Variants in DMXL1 observed in about 807,000 individuals in gnomAD.
DMXL1 encodes Dmx like 1, also known as dmX-like protein 1.
A neutral mutation model predicts 319.2 loss-of-function variants in DMXL1; 99 were observed. That is an observed-to-expected ratio of 0.31 (90% CI 0.26 to 0.37). The LOEUF (loss-of-function observed/expected upper bound fraction) is 0.37. Ranked by LOEUF, DMXL1 falls within the 10% of genes least tolerant of loss-of-function variation. The pLI, the probability that DMXL1 is intolerant of heterozygous loss-of-function variation, is 1.00. For missense variants in DMXL1, 3,745 were observed against 3,595.6 expected, an observed-to-expected ratio of 1.04 and a Z score of -1.06; for synonymous variants, 1,385 against 1,235.2, an observed-to-expected ratio of 1.12 and a Z score of -2.54.
At chr5:119,114,419 G>A (rs937384564) in intron 5 of DMXL1, 56 bp from the exon 6 acceptor site, 67 of 1,256,426 alleles carry the variant, frequency 5.3e-5, no homozygotes, top group Non-Finnish European at 7.3e-5. Context: ...TGAGAATATT[G>A]AACTTTTTCT....
chr5:119,224,553 A>C (rs1785196324), intron 37 of DMXL1, among the ~76,000 whole-genome samples, 156 bp from the exon 38 acceptor site: 1 of 151,972 alleles, frequency 6.6e-6, no homozygotes, highest in South Asian at 2.1e-4. Flanking sequence ...TGCACTATTA[A>C]ATTTCTGTTA....
intron 13 of DMXL1, among the ~76,000 whole-genome samples, chr5:119,134,682 C>T (rs761045906): frequency 2.6e-5 from 4 of 152,180 alleles, no homozygotes; most frequent in Non-Finnish European, 2.9e-5. Context: ...GAAGTTATAT[C>T]GGCCCCCCTG....
chr5:119,216,728 T>G (rs1783767109), intron 34 of DMXL1, among the ~76,000 whole-genome samples, 173 bp from the exon 35 acceptor site: 1 of 152,142 alleles, frequency 6.6e-6, no homozygotes, highest in Non-Finnish European at 1.5e-5. Context: ...AATTTAAATT[T>G]CCCATGTCAA....
At chr5:119,242,478 AAAT>A (rs766289894) in intron 42 of DMXL1, among the ~76,000 whole-genome samples, 1 of 152,188 alleles carries the variant, frequency 6.6e-6, no homozygotes, top group Non-Finnish European at 1.5e-5. Flanking sequence ...AGATCTAAAT[AAAT>A]GAGTGATACT....
rs762308872 is a variant in DMXL1, at chr5:119,203,305, G to A, written c.7746-14G>A. The A allele has an allele frequency of 1.1e-5, 17 of 1,508,128 alleles. No homozygotes were observed. The highest frequency in any genetic ancestry group is 4.6e-5 in the Admixed American group (2 of 43,692). The allele number at this position is 1,508,128 out of a possible 1,614,324, so 93.4% of individuals were successfully genotyped here. ...TCTGAAGTTTATCATTAAATTTGCT[G>A]TCTCTCTCTGTAGATCCAAACACCA... On this transcript the variant is annotated splice_polypyrimidine_tract_variant and intron_variant, in intron 32 of 43. Coordinates refer to ENST00000539542, the MANE Select transcript of DMXL1 (RefSeq NM_001290321.3).
At chr5:119,184,059 CTT>C (rs1404022848) in intron 28 of DMXL1, among the ~76,000 whole-genome samples, 3 of 140,342 alleles carry the variant, frequency 2.1e-5, no homozygotes, top group Admixed American at 7.0e-5. Flanking sequence ...GTTTTCTTCT[CTT>C]TTTTTTTTTT....
chr5:119,147,205 G>C (rs1407360874), intron 16 of DMXL1, 44 bp from the exon 17 acceptor site: 3 of 1,517,052 alleles, frequency 2.0e-6, no homozygotes, highest in South Asian at 2.3e-5. Context: ...ATATTTATAG[G>C]GTTCCCCTGC....
intron 14 of DMXL1, 116 bp downstream of exon 14, chr5:119,144,046 A>G: frequency 3.2e-6 from 2 of 624,640 alleles, no homozygotes; most frequent in Non-Finnish European, 5.6e-6. Context: ...AGGTAGATTC[A>G]GTAATTAACT....
intron 1 of DMXL1, among the ~76,000 whole-genome samples, chr5:119,082,888 T>C (rs917248242): frequency 6.6e-6 from 1 of 152,232 alleles, no homozygotes; most frequent in Non-Finnish European, 1.5e-5. Context: ...CTTAGCCCTC[T>C]GGTAACCATC....
chr5:119,082,016 T>C (rs1172397347), intron 1 of DMXL1, among the ~76,000 whole-genome samples: 19 of 78,724 alleles, frequency 2.4e-4, no homozygotes, highest in African/African-American at 2.9e-4. Context: ...TATATATATA[T>C]ATATACACAC....
chr5:119,223,744 T>G (rs879919779), intron 37 of DMXL1, among the ~76,000 whole-genome samples: 10 of 152,162 alleles, frequency 6.6e-5, no homozygotes, highest in Admixed American at 1.3e-4. Context: ...AACCTGTGTT[T>G]GTATATTTTT....
intron 30 of DMXL1, among the ~76,000 whole-genome samples, chr5:119,194,240 TGG>T (rs948106080): frequency 1.3e-5 from 2 of 152,214 alleles, no homozygotes; most frequent in African/African-American, 4.8e-5. Flanking sequence ...TGTCCATTAA[TGG>T]ACCATCCGTA....
chr5:119,136,690 T>C (rs1031479439), intron 13 of DMXL1, among the ~76,000 whole-genome samples: 1 of 152,256 alleles, frequency 6.6e-6, no homozygotes, highest in Non-Finnish European at 1.5e-5. Flanking sequence ...GGGGCCGTGG[T>C]ACAGCTGCGG....
intron 34 of DMXL1, among the ~76,000 whole-genome samples, chr5:119,211,661 A>T (rs1285901701): frequency 1.3e-5 from 2 of 151,980 alleles, no homozygotes; most frequent in Admixed American, 6.5e-5. Flanking sequence ...ATTGCTTCCT[A>T]TTTTCTTTCA....
chr5:119,163,797 G>C (rs1412440008), intron 19 of DMXL1, among the ~76,000 whole-genome samples: 1 of 152,086 alleles, frequency 6.6e-6, no homozygotes, highest in Non-Finnish European at 1.5e-5. Context: ...GGATGGTCTC[G>C]ATCTCCTGAC....
chr5:119,193,350 C>A (rs1779030877), intron 29 of DMXL1, among the ~76,000 whole-genome samples: 1 of 152,088 alleles, frequency 6.6e-6, no homozygotes. Flanking sequence ...TTATTTTTCC[C>A]CTGTCTAAAA....
At chr5:119,246,923 G>T in intron 43 of DMXL1, 72 bp from the exon 44 acceptor site, 2 of 1,166,700 alleles carry the variant, frequency 1.7e-6, no homozygotes, top group Non-Finnish European at 1.2e-6. Flanking sequence ...ATGAGCCACC[G>T]CACCTGGCCT....
chr5:119,095,125 G>C (rs1255475197), intron 1 of DMXL1, among the ~76,000 whole-genome samples: 1 of 152,154 alleles, frequency 6.6e-6, no homozygotes, highest in African/African-American at 2.4e-5. Flanking sequence ...AAGGTTCTGG[G>C]ATTACAGATG....
At chr5:119,117,925 TC>T (rs1761197509) in intron 7 of DMXL1, among the ~76,000 whole-genome samples, 1 of 152,234 alleles carries the variant, frequency 6.6e-6, no homozygotes, top group Non-Finnish European at 1.5e-5. Context: ...TGCTGATTGT[TC>T]CGTTTTTAAA....
Sources: gnomAD v4.1 joint callset for allele counts (sites outside exome capture counted in the v4.1 genomes callset) on GRCh38, gnomAD v4.1.1 for gene constraint, MANE v1.5 for transcripts, NCBI Gene and HGNC (gene_info 2026-07-23, HGNC 2026-07-21) for gene names.